CNTN5: variants seen among roughly 807,000 people sequenced by gnomAD.
CNTN5 encodes contactin 5.
CNTN5 carries 77 observed loss-of-function variants against 129.1 expected under a neutral mutation model. That is an observed-to-expected ratio of 0.60 (90% CI 0.50 to 0.72). The LOEUF (loss-of-function observed/expected upper bound fraction) is 0.72. CNTN5 is among the 30% of genes least tolerant of loss of function. The probability of loss-of-function intolerance (pLI) is 0.00; values close to 1 mark genes in which losing one functional copy is unlikely to be tolerated. For synonymous variants in CNTN5, 509 were observed against 465.6 expected, an observed-to-expected ratio of 1.09 and a Z score of -1.20; for missense variants, 1,478 against 1,328.8, an observed-to-expected ratio of 1.11 and a Z score of -1.75.
chr11:99,819,852 T>G, intron 4 of CNTN5, 87 bp downstream of exon 4: 1 of 493,066 alleles, frequency 2.0e-6, no homozygotes, highest in Non-Finnish European at 3.1e-6. Flanking sequence ...ATCAAGACTA[T>G]TCCAGTAGGA....
chr11:99,620,437 A>G (rs1950906037), intron 3 of CNTN5, among the ~76,000 whole-genome samples: 1 of 144,382 alleles, frequency 6.9e-6, no homozygotes, highest in Admixed American at 7.4e-5. Context: ...TTCATTTGAC[A>G]TTTCAGTAGT....
intron 1 of CNTN5, among the ~76,000 whole-genome samples, chr11:99,255,566 T>G (rs976771249): frequency 6.6e-6 from 1 of 151,588 alleles, no homozygotes; most frequent in South Asian, 2.1e-4. Context: ...TTTTACCATA[T>G]GAATTTAAAA....
At position 99,378,705 on chromosome 11, in the gene CNTN5, G is replaced by A. The variant is rs186025141; in HGVS notation, c.-71+53221G>A. On this transcript the variant is annotated intron_variant, in intron 2 of 24. Coordinates refer to ENST00000524871, the MANE Select transcript of CNTN5 (RefSeq NM_014361.4). ...ATTGGTGAATGTACTCTGTAGTATGGATGACTATATGCATATGTAGAAAAT... is the reference window on the plus strand; with the variant it reads ...ATTGGTGAATGTACTCTGTAGTATGAATGACTATATGCATATGTAGAAAAT... Among the ~76,000 whole-genome samples, 8 of 152,090 alleles carry A rather than the reference G, an allele frequency of 5.3e-5. No individual in the cohort carries two copies. The East Asian group carries it at 1.5e-3, about 29-fold the overall frequency.
intron 21 of CNTN5, among the ~76,000 whole-genome samples, chr11:100,310,626 T>C (rs770438855): frequency 1.3e-5 from 2 of 151,832 alleles, no homozygotes; most frequent in African/African-American, 2.4e-5. Flanking sequence ...AAGCGCATGA[T>C]TTTTTAAAAA....
At chr11:99,539,776 A>G (rs1220598697) in intron 2 of CNTN5, among the ~76,000 whole-genome samples, 1 of 152,106 alleles carries the variant, frequency 6.6e-6, no homozygotes, top group Non-Finnish European at 1.5e-5. Context: ...AAAGTATTAA[A>G]AAGTTTTAAA....
intron 3 of CNTN5, among the ~76,000 whole-genome samples, chr11:99,714,714 G>A (rs193236566): frequency 1.1e-4 from 17 of 151,962 alleles, no homozygotes; most frequent in African/African-American, 3.4e-4. Context: ...CAAAAGCCAA[G>A]TACCTTTTAA....
chr11:99,779,343 G>A (rs902303737), intron 3 of CNTN5, among the ~76,000 whole-genome samples: 9 of 151,966 alleles, frequency 5.9e-5, no homozygotes, highest in African/African-American at 2.2e-4. Context: ...AATTTTTAAT[G>A]TATTTCAAGC....
At chr11:99,193,489 A>G (rs1468180512) in intron 1 of CNTN5, among the ~76,000 whole-genome samples, 3 of 152,260 alleles carry the variant, frequency 2.0e-5, no homozygotes, top group East Asian at 1.9e-4. Context: ...CCAAGAATTG[A>G]GAAAGGATGA....
intron 1 of CNTN5, among the ~76,000 whole-genome samples, chr11:99,317,537 C>T (rs533524629): frequency 6.6e-6 from 1 of 151,946 alleles, no homozygotes; most frequent in South Asian, 2.1e-4. Flanking sequence ...TTTTGGGAAC[C>T]TTTCCAGTCT....
At chr11:99,139,997 C>A (rs1361834038) in intron 1 of CNTN5, among the ~76,000 whole-genome samples, 1 of 151,996 alleles carries the variant, frequency 6.6e-6, no homozygotes, top group Non-Finnish European at 1.5e-5. Flanking sequence ...GCTTATTCTC[C>A]GTTTTTGTCA....
chr11:99,900,317 TA>T (rs761386444), intron 6 of CNTN5, among the ~76,000 whole-genome samples: 48 of 151,872 alleles, frequency 3.2e-4, no homozygotes, highest in Non-Finnish European at 6.0e-4. Flanking sequence ...AAAAATCTTA[TA>T]TTTTTTGTGT....
chr11:99,633,526 C>A (rs1473126813), intron 3 of CNTN5, among the ~76,000 whole-genome samples: 2 of 152,116 alleles, frequency 1.3e-5, no homozygotes, highest in African/African-American at 2.4e-5. Flanking sequence ...GTACTTCATA[C>A]TGAAAGGTGA....
intron 8 of CNTN5, among the ~76,000 whole-genome samples, chr11:99,970,528 A>T (rs1197744147): frequency 2.0e-5 from 3 of 152,188 alleles, no homozygotes; most frequent in Non-Finnish European, 4.4e-5. Context: ...TACTTATCTG[A>T]TAGGGTTCCT....
intron 23 of CNTN5, among the ~76,000 whole-genome samples, chr11:100,345,945 C>CA (rs1952269614): frequency 6.6e-6 from 1 of 152,132 alleles, no homozygotes; most frequent in South Asian, 2.1e-4. Flanking sequence ...AATTTCCACT[C>CA]AAAATAACTT....
intron 2 of CNTN5, among the ~76,000 whole-genome samples, chr11:99,363,655 A>T (rs971589963): frequency 2.0e-5 from 3 of 152,086 alleles, no homozygotes; most frequent in Non-Finnish European, 2.9e-5. Flanking sequence ...TTAGCCTACT[A>T]ATTGTACCAA....
intron 1 of CNTN5, among the ~76,000 whole-genome samples, chr11:99,225,344 T>A (rs993201191): frequency 1.3e-5 from 2 of 152,124 alleles, no homozygotes; most frequent in African/African-American, 4.8e-5. Context: ...CTGGAAAGGC[T>A]ATTGCCTTTT....
chr11:99,514,848 TGC>T (rs1161655745), intron 2 of CNTN5, among the ~76,000 whole-genome samples: 10 of 152,034 alleles, frequency 6.6e-5, no homozygotes, highest in African/African-American at 2.4e-4. Context: ...ATCCCGAGTA[TGC>T]CTATATATGG....
chr11:99,079,250 C>T lies in CNTN5; in HGVS notation c.-210+57980C>T, dbSNP rs1033545534. ...ATATGAAAGACAGGATTCTAAGATTCATCCTGACAACAGAAAATTAAATCT... is the reference window on the plus strand; with the variant it reads ...ATATGAAAGACAGGATTCTAAGATTTATCCTGACAACAGAAAATTAAATCT... On this transcript the variant is annotated intron_variant, in intron 1 of 24. Transcript: ENST00000524871. Among the ~76,000 whole-genome samples the T allele has an allele frequency of 5.3e-5, 8 of 152,188 alleles. 1 individual carries two copies. The South Asian group carries it at 1.7e-3, about 32-fold the overall frequency.
At chr11:100,156,636 C>T (rs1199281023) in intron 13 of CNTN5, among the ~76,000 whole-genome samples, 1 of 151,822 alleles carries the variant, frequency 6.6e-6, no homozygotes, top group Non-Finnish European at 1.5e-5. Context: ...TGGTCCTGGG[C>T]TTTTTTTGGT....
Sources: allele counts gnomAD v4.1 joint callset (sites outside exome capture counted in the v4.1 genomes callset), GRCh38; gene constraint gnomAD v4.1.1; transcripts MANE v1.5; gene names NCBI Gene and HGNC (gene_info 2026-07-23, HGNC 2026-07-21).